Variants in RPSA2 observed in about 807,000 individuals in gnomAD.
RPSA2 encodes the protein small ribosomal subunit protein uS2B.
At chr19:23,790,637 G>C in the RPSA2 span, 1 of 296,030 alleles carries the variant, frequency 3.4e-6, no homozygotes, top group Non-Finnish European at 6.6e-6. Flanking sequence ...TGTGTCTCTA[G>C]CTGCAGATGG....
chr19:23,825,186 G>A, the RPSA2 span, among the ~76,000 whole-genome samples: 1 of 152,048 alleles, frequency 6.6e-6, no homozygotes, highest in African/African-American at 2.4e-5. Context: ...CACCATGTTA[G>A]CCAGGATGGG....
At chr19:23,837,502 T>G in the RPSA2 span, among the ~76,000 whole-genome samples, 1 of 152,146 alleles carries the variant, frequency 6.6e-6, no homozygotes, top group African/African-American at 2.4e-5. Flanking sequence ...GTGAAGAATG[T>G]TGGTGGTATT....
At chr19:23,834,166 A>G in the RPSA2 span, among the ~76,000 whole-genome samples, 1 of 152,192 alleles carries the variant, frequency 6.6e-6, no homozygotes, top group East Asian at 1.9e-4. Context: ...ATACAAAACT[A>G]TAGATAGCAT....
the RPSA2 span, among the ~76,000 whole-genome samples, chr19:23,868,749 T>C: frequency 6.6e-6 from 1 of 152,124 alleles, no homozygotes; most frequent in South Asian, 2.1e-4. Flanking sequence ...GCTTATGTTT[T>C]TACAGCAGAT....
chr19:23,821,440 CTTCT>C, the RPSA2 span, among the ~76,000 whole-genome samples: 4 of 152,190 alleles, frequency 2.6e-5, no homozygotes, highest in Admixed American at 6.5e-5. Context: ...CTAGTTAAGG[CTTCT>C]TTGATTTGTT....
the RPSA2 span, chr19:23,758,889 G>A: frequency 8.4e-7 from 1 of 1,184,530 alleles, no homozygotes; most frequent in Non-Finnish European, 1.2e-6. Context: ...TGAAGGGAGA[G>A]ACAAAGGCCC....
the RPSA2 span, among the ~76,000 whole-genome samples, chr19:23,822,324 C>G: frequency 1.2e-4 from 18 of 152,184 alleles, no homozygotes; most frequent in African/African-American, 4.3e-4. Flanking sequence ...ATTAAGGGTG[C>G]CTTCAGGCAC....
At chr19:23,827,337 T>C in the RPSA2 span, 2 of 1,587,708 alleles carry the variant, frequency 1.3e-6, no homozygotes, top group South Asian at 2.2e-5. Flanking sequence ...GAGAAGCTTC[T>C]GCTGGCAGCT....
chr19:23,773,806 A>C, the RPSA2 span, among the ~76,000 whole-genome samples: 3 of 152,220 alleles, frequency 2.0e-5, no homozygotes, highest in African/African-American at 7.2e-5. Context: ...GACAAAGTCC[A>C]CAGGAGGAGT....
chr19:23,833,239 G>T, the RPSA2 span: 121 of 1,031,754 alleles, frequency 1.2e-4, no homozygotes, highest in Non-Finnish European at 1.4e-4. Flanking sequence ...GGAAAAATTT[G>T]GCAAACCTTT....
the RPSA2 span, among the ~76,000 whole-genome samples, chr19:23,867,342 C>T: frequency 7.9e-5 from 12 of 152,266 alleles, no homozygotes; most frequent in South Asian, 2.1e-4. Flanking sequence ...TACTTTCCAG[C>T]CTTATGTTGC....
At chr19:23,773,435 C>T in the RPSA2 span, among the ~76,000 whole-genome samples, 1 of 152,004 alleles carries the variant, frequency 6.6e-6, no homozygotes. Flanking sequence ...AGGCACGCAC[C>T]ACCATGCCCA....
At chr19:23,818,438 G>A in the RPSA2 span, 149,186 of 152,516 alleles carry the variant, frequency 0.98, 73,059 homozygotes, top group Middle Eastern at 1. Context: ...CGACCTTTCC[G>A]TTGTCATCGA....
chr19:23,833,117 T>G, the RPSA2 span: 2 of 1,234,050 alleles, frequency 1.6e-6, no homozygotes, highest in Non-Finnish European at 2.1e-6. Context: ...CATAAGGTAA[T>G]TCTTACTGGT....
At chr19:23,811,032 A>T in the RPSA2 span, among the ~76,000 whole-genome samples, 2 of 134,254 alleles carry the variant, frequency 1.5e-5, no homozygotes, top group South Asian at 4.7e-4. Context: ...TTTGAGACGG[A>T]GTCTTGCTCT....
the RPSA2 span, among the ~76,000 whole-genome samples, chr19:23,797,496 C>T: frequency 0.052 from 7,320 of 139,558 alleles, 322 homozygotes; most frequent in South Asian, 0.086. Flanking sequence ...ATTCAAGTGC[C>T]GGTTGTTTAA....
the RPSA2 span, among the ~76,000 whole-genome samples, chr19:23,847,956 G>A: frequency 2.0e-5 from 3 of 152,088 alleles, no homozygotes; most frequent in Non-Finnish European, 4.4e-5. Context: ...TGACCCCGCA[G>A]GCAGTCAGAC....
the RPSA2 span, among the ~76,000 whole-genome samples, chr19:23,759,469 C>A: frequency 2.0e-5 from 3 of 151,312 alleles, no homozygotes; most frequent in Non-Finnish European, 4.4e-5. Context: ...TGAAGCACAG[C>A]CCTAGACACT....
At chr19:23,778,587 A>G in the RPSA2 span, among the ~76,000 whole-genome samples, 1 of 151,994 alleles carries the variant, frequency 6.6e-6, no homozygotes, top group African/African-American at 2.4e-5. Flanking sequence ...CCTAGATGTT[A>G]TGACTTTCCT....
Sources: gnomAD v4.1 joint callset for allele counts (sites outside exome capture counted in the v4.1 genomes callset) on GRCh38, gnomAD v4.1.1 for gene constraint, MANE v1.5 for transcripts, NCBI Gene and HGNC (gene_info 2026-07-23, HGNC 2026-07-21) for gene names.